The following CNTNAP2 variants were observed in gnomAD, a reference collection of about 807,000 sequenced individuals.
CNTNAP2 encodes contactin associated protein 2.
CNTNAP2 carries 98 observed loss-of-function variants against 155.2 expected under a neutral mutation model. That is an observed-to-expected ratio of 0.63 (90% CI 0.54 to 0.75). CNTNAP2 has a LOEUF of 0.75. CNTNAP2 is among the 30% of genes least tolerant of loss of function. The pLI is 0.00. For synonymous variants in CNTNAP2, 651 were observed against 631.2 expected (o/e 1.03, Z -0.47); for missense variants, 1,727 against 1,688.1 (o/e 1.02, Z -0.40).
rs186590763 is a variant in CNTNAP2, at chr7:147,751,082, A to T, written c.2098+111776A>T. On this transcript the variant is annotated intron_variant, in intron 13 of 23. Coordinates refer to ENST00000361727, the MANE Select transcript of CNTNAP2 (RefSeq NM_014141.6). The stretch of plus-strand genomic sequence containing the variant: ...ATAATAATAATAAATAAAATAAATT[A>T]AAAAAAATTTCCAGGCTTTGAAGAA... Among the ~76,000 whole-genome samples the T allele has an allele frequency of 4.2e-3, 623 of 148,096 alleles. 3 individuals carry two copies. The highest frequency in any genetic ancestry group is 0.014 in the African/African-American group (599 of 41,330).
chr7:147,396,799 C>G (rs1292132596), intron 10 of CNTNAP2, among the ~76,000 whole-genome samples: 2 of 151,850 alleles, frequency 1.3e-5, no homozygotes, highest in Non-Finnish European at 2.9e-5. Context: ...CTGTCTTATC[C>G]TAAAAGCTCA....
intron 1 of CNTNAP2, among the ~76,000 whole-genome samples, chr7:146,750,523 T>C (rs1801885120): frequency 6.6e-6 from 1 of 152,180 alleles, no homozygotes; most frequent in Admixed American, 6.5e-5. Flanking sequence ...CACTCACTAG[T>C]CCTTTAATAA....
chr7:146,500,262 G>T (rs915503075), intron 1 of CNTNAP2, among the ~76,000 whole-genome samples: 1 of 151,332 alleles, frequency 6.6e-6, no homozygotes, highest in Admixed American at 6.6e-5. Context: ...GCATCTTGCA[G>T]CACAGAAAGC....
At chr7:148,152,907 G>C (rs1416813261) in intron 17 of CNTNAP2, among the ~76,000 whole-genome samples, 1 of 150,508 alleles carries the variant, frequency 6.6e-6, no homozygotes, top group African/African-American at 2.4e-5. Flanking sequence ...TGTAGTCCCA[G>C]CTACTCGGGA....
intron 13 of CNTNAP2, among the ~76,000 whole-genome samples, chr7:147,725,708 G>A (rs370201247): frequency 5.3e-5 from 8 of 152,002 alleles, no homozygotes; most frequent in African/African-American, 1.7e-4. Context: ...ATTGCTTTTC[G>A]GGTAAAGGTC....
chr7:146,160,896 C>G (rs1380340343), intron 1 of CNTNAP2, among the ~76,000 whole-genome samples: 1 of 151,838 alleles, frequency 6.6e-6, no homozygotes, highest in Non-Finnish European at 1.5e-5. Context: ...ACAGACACAA[C>G]AAAAAAAGAG....
intron 9 of CNTNAP2, among the ~76,000 whole-genome samples, chr7:147,345,418 T>G (rs1439748867): frequency 6.6e-6 from 1 of 152,220 alleles, no homozygotes; most frequent in Non-Finnish European, 1.5e-5. Flanking sequence ...AATTATAAAA[T>G]GAATGTCCTT....
At chr7:146,779,899 G>C (rs570571464) in intron 2 of CNTNAP2, among the ~76,000 whole-genome samples, 3 of 152,288 alleles carry the variant, frequency 2.0e-5, no homozygotes, top group African/African-American at 7.2e-5. Flanking sequence ...GTGAATAACA[G>C]ATGTTTGGAG....
At chr7:148,136,879 G>T (rs1804963354) in intron 16 of CNTNAP2, among the ~76,000 whole-genome samples, 1 of 152,152 alleles carries the variant, frequency 6.6e-6, no homozygotes, top group Admixed American at 6.6e-5. Flanking sequence ...AGTCTTTAGG[G>T]AGGCAAAAAT....
chr7:147,922,683 TCTTG>T (rs1698761894), intron 14 of CNTNAP2, among the ~76,000 whole-genome samples: 1 of 152,192 alleles, frequency 6.6e-6, no homozygotes, highest in African/African-American at 2.4e-5. Flanking sequence ...TCATAACGTT[TCTTG>T]TGGCTGCCCA....
At position 148,319,509 on chromosome 7, in the gene CNTNAP2, C is replaced by T. The variant is rs185231217; in HGVS notation, c.3475+52383C>T. 2.5e-4 allele frequency among the ~76,000 whole-genome samples: 38 copies of T among 152,232 alleles called. 1 individual carries two copies. The highest frequency in any genetic ancestry group is 7.9e-4 in the African/African-American group (33 of 41,536). On this transcript the variant is annotated intron_variant, in intron 21 of 23. Transcript: ENST00000361727. The stretch of plus-strand genomic sequence containing the variant: ...CCAACCTAGGGCCATGGACACCTAC[C>T]GTGGCCTGTTAGGAACCAGGCCACA...
intron 15 of CNTNAP2, among the ~76,000 whole-genome samples, chr7:148,103,817 A>G (rs1804152764): frequency 6.6e-6 from 1 of 152,228 alleles, no homozygotes; most frequent in South Asian, 2.1e-4. Flanking sequence ...GCTTTCTTTC[A>G]ATAGTATTTC....
intron 10 of CNTNAP2, among the ~76,000 whole-genome samples, chr7:147,440,187 A>G (rs1797613917): frequency 6.6e-6 from 1 of 151,426 alleles, no homozygotes; most frequent in Non-Finnish European, 1.5e-5. Flanking sequence ...ATTTTCTCTG[A>G]TTATATAATT....
intron 11 of CNTNAP2, among the ~76,000 whole-genome samples, chr7:147,561,641 A>G (rs1008246316): frequency 2.6e-5 from 4 of 152,198 alleles, no homozygotes; most frequent in East Asian, 1.9e-4. Context: ...TCAAAATTAC[A>G]TACTATTTAT....
At chr7:147,646,501 A>G (rs944576157) in intron 13 of CNTNAP2, among the ~76,000 whole-genome samples, 2 of 152,240 alleles carry the variant, frequency 1.3e-5, no homozygotes, top group Admixed American at 1.3e-4. Context: ...GAGTATCATC[A>G]GAATCCTAAT....
rs1463424775 is a variant in CNTNAP2 at position 146,407,982 on chromosome 7, T to C, written c.97+291009T>C. 2.6e-5 allele frequency among the ~76,000 whole-genome samples: 4 copies of C among 152,284 alleles called. No homozygotes were observed. The East Asian group carries it at 5.8e-4, about 22-fold the overall frequency. On this transcript the variant is annotated intron_variant, in intron 1 of 23. Coordinates refer to ENST00000361727, the MANE Select transcript of CNTNAP2 (RefSeq NM_014141.6). ...GTAATAATGCAGTACCTCATACTTA[T>C]AAAATAAAAAAATGTTAACAGACTA... is the stretch of plus-strand genomic sequence containing the variant.
intron 21 of CNTNAP2, among the ~76,000 whole-genome samples, chr7:148,379,612 C>T (rs1465743864): frequency 6.6e-6 from 1 of 152,092 alleles, no homozygotes; most frequent in Non-Finnish European, 1.5e-5. Flanking sequence ...CTCAAAGAGG[C>T]TGAGGTGGGA....
chr7:147,053,435 C>G lies in CNTNAP2; in HGVS notation c.550+9381C>G, dbSNP rs191247985. Among the ~76,000 whole-genome samples, 190 of 152,060 alleles carry G rather than the reference C, an allele frequency of 1.2e-3. 3 individuals are homozygous for G. Among genetic ancestry groups the G allele is most frequent in the African/African-American group, 4.0e-3 (167 of 41,500 alleles). On this transcript the variant is annotated intron_variant, in intron 4 of 23. Transcript: ENST00000361727. Reference sequence around the variant, plus strand: ...GTGAGCCTACCTTTATATTTAGGAACAAGACAGTTACAATTGGCAGCTAGC... The same window carrying G: ...GTGAGCCTACCTTTATATTTAGGAAGAAGACAGTTACAATTGGCAGCTAGC...
chr7:146,742,205 C>A (rs1407186629), intron 1 of CNTNAP2, among the ~76,000 whole-genome samples: 2 of 151,210 alleles, frequency 1.3e-5, no homozygotes, highest in Non-Finnish European at 2.9e-5. Context: ...TTATTTATTT[C>A]TTCATAAACT....
Sources: allele counts gnomAD v4.1 joint callset (sites outside exome capture counted in the v4.1 genomes callset), GRCh38; gene constraint gnomAD v4.1.1; transcripts MANE v1.5; gene names NCBI Gene and HGNC (gene_info 2026-07-23, HGNC 2026-07-21).